Variants in CNTROB observed in about 807,000 individuals in gnomAD.
CNTROB encodes the protein centrobin.
CNTROB carries 82 observed loss-of-function variants against 115.7 expected under a neutral mutation model. The observed-to-expected ratio is 0.71, with a 90% CI of 0.59 to 0.85. The LOEUF is 0.85. Among genes scored for constraint, CNTROB ranks in the 40% least tolerant of loss-of-function variants. The pLI is 0.00. For missense variants in CNTROB, 1,014 were observed against 1,144.4 expected, an observed-to-expected ratio of 0.89 and a Z score of 1.64; for synonymous variants, 439 against 456.4, an observed-to-expected ratio of 0.96 and a Z score of 0.49.
At chr17:7,938,148 G>A (rs1455737469) in intron 7 of CNTROB, among the ~76,000 whole-genome samples, 3 of 151,860 alleles carry the variant, frequency 2.0e-5, no homozygotes, top group African/African-American at 4.8e-5. Context: ...GACTACAGGC[G>A]TATACCACCA....
rs770652629 is a variant in CNTROB, at chr17:7,947,744, C to G, written c.2145+22C>G. On this transcript the variant is annotated intron_variant, in intron 14 of 18. Transcript: ENST00000563694. ...CCAGGTAAGAGAGATTCCACCCAGACTAGCTCACTTTCTTCTTCCCTTTCT... is the reference window on the plus strand; with the variant it reads ...CCAGGTAAGAGAGATTCCACCCAGAGTAGCTCACTTTCTTCTTCCCTTTCT... 5.0e-6 allele frequency: 8 copies of G among 1,603,420 alleles called. 1 individual carries two copies. The South Asian group carries it at 8.9e-5, about 18-fold the overall frequency.
Position 7,932,867 on chromosome 17 carries a change from A to G in CNTROB, c.-213A>G. The G allele has an allele frequency of 1.7e-6, 1 of 582,326 alleles. No homozygotes were observed. Among genetic ancestry groups the G allele is most frequent in the South Asian group, 2.2e-5 (1 of 46,134 alleles). The allele number at this position is 582,326 out of a possible 1,614,324, so 36.1% of individuals were successfully genotyped here. ...AACGCTGTTCCCAGGAGCTGGGGAA[A>G]GGGATGCTTTTGCCCACTCCCATGG... On this transcript the variant is annotated 5_prime_UTR_variant, in exon 1 of 19. Coordinates refer to ENST00000563694, the MANE Select transcript of CNTROB (RefSeq NM_053051.5).
At position 7,932,921 on chromosome 17, in the gene CNTROB, T is replaced by TA. The variant is rs1972678035; in HGVS notation, c.-157dup. 1.4e-5 allele frequency: 11 copies of TA among 785,074 alleles called. No individual in the cohort carries two copies. The South Asian group carries it at 2.0e-4, about 14-fold the overall frequency. The allele number at this position is 785,074 out of a possible 1,614,324, so 48.6% of individuals were successfully genotyped here. A position where few individuals can be genotyped will look rare whatever the true frequency, so the allele number is the denominator to read the frequency against. On this transcript the variant is annotated 5_prime_UTR_variant, in exon 1 of 19. The change creates a premature stop within an existing upstream ORF in the 5' untranslated region. Transcript: ENST00000563694. ...CTGGAACTGGTGGAAACCTTTCCTC[T>TA]AACCAGAAAGCCTCGATATCCTTAA... is the stretch of plus-strand genomic sequence containing the variant.
Position 7,943,336 on chromosome 17 carries a change from T to TTTGGG in CNTROB, c.1312-55_1312-54insTTGGG. On this transcript the variant is annotated intron_variant, in intron 9 of 18. Transcript: ENST00000563694. This position sits in a 1 kb window ranked among gnomAD's most constrained non-coding sequence, Gnocchi z 4.7. Reference sequence around the variant, plus strand: ...GATTTTGTCTACATTATATCCTCCATCCTCTTCTAAGCCCAAACAGATTTG... The same window carrying TTTGGG: ...GATTTTGTCTACATTATATCCTCCATTTGGGCCTCTTCTAAGCCCAAACAGATTTG... 3.6e-6 allele frequency: 5 copies of TTTGGG among 1,402,640 alleles called. No individual in the cohort carries two copies. The highest frequency in any genetic ancestry group is 4.0e-6 in the Non-Finnish European group (4 of 1,001,626). The allele number at this position is 1,402,640 out of a possible 1,614,324, so 86.9% of individuals were successfully genotyped here.
intron 2 of CNTROB, 85 bp from the exon 3 acceptor site, chr17:7,934,380 G>A (rs1972895209): frequency 1.0e-5 from 14 of 1,384,844 alleles, no homozygotes; most frequent in Non-Finnish European, 1.4e-5. Flanking sequence ...TGAGGGAACT[G>A]GAAAGGAAGG....
chr17:7,942,932 G>A (rs1356401941), intron 9 of CNTROB, among the ~76,000 whole-genome samples: 1 of 149,114 alleles, frequency 6.7e-6, no homozygotes, highest in Non-Finnish European at 1.5e-5. Flanking sequence ...CTCCCAAGTA[G>A]CTGGGACTAC....
chr17:7,932,138 TGTGA>T (rs761557976), upstream of CNTROB: 35 of 409,224 alleles, frequency 8.6e-5, no homozygotes, highest in East Asian at 1.1e-3. Context: ...ACAGAAGTGA[TGTGA>T]GTGTCTGCGA....
chr17:7,949,251 A>G, intron 18 of CNTROB, 94 bp downstream of exon 18: 1 of 1,565,978 alleles, frequency 6.4e-7, no homozygotes, highest in Non-Finnish European at 8.8e-7. Context: ...CCTCCATTCC[A>G]CCCCTGCATT....
At position 7,949,905 on chromosome 17, in the gene CNTROB, C is replaced by A. The variant is rs4792000; in HGVS notation, c.*395C>A. 0.52 allele frequency: 82,149 copies of A among 157,628 alleles called. 21,869 individuals are homozygous for A. Among genetic ancestry groups the A allele is most frequent in the East Asian group, 0.76 (4,131 of 5,444 alleles). 9.8% of individuals were successfully genotyped at this position (157,628 alleles called of 1,614,324 possible). A position where few individuals can be genotyped will look rare whatever the true frequency, so the allele number is the denominator to read the frequency against. On this transcript the variant is annotated 3_prime_UTR_variant, in exon 19 of 19. Coordinates refer to ENST00000563694, the MANE Select transcript of CNTROB (RefSeq NM_053051.5). ...GTATATGTTACTTTAATAATCAGAA[C>A]AGACCCAAACTTTAATAAGAGTAAG...
chr17:7,948,955 G>A lies in CNTROB; in HGVS notation c.2514-130G>A. 6.4e-7 allele frequency: 1 copy of A among 1,568,802 alleles called. No individual in the cohort carries two copies. The highest frequency in any genetic ancestry group is 8.7e-7 in the Non-Finnish European group (1 of 1,155,974). Reference sequence around the variant, plus strand: ...TTACTTCCACTAATGTCTCCTCCCAGTTGATGCCCAGGTCTATCGAGTTTG... The same window carrying A: ...TTACTTCCACTAATGTCTCCTCCCAATTGATGCCCAGGTCTATCGAGTTTG... On this transcript the variant is annotated intron_variant, in intron 17 of 18. Transcript: ENST00000563694. This position sits in a 1 kb window ranked among gnomAD's most constrained non-coding sequence, Gnocchi z 4.4.
At chr17:7,938,866 C>T (rs1302752864) in intron 7 of CNTROB, among the ~76,000 whole-genome samples, 1 of 152,186 alleles carries the variant, frequency 6.6e-6, no homozygotes, top group African/African-American at 2.4e-5. Flanking sequence ...GCAACCTCCG[C>T]CTCCCAGGTT....
chr17:7,948,740 A>G lies in CNTROB; in HGVS notation c.2513+121A>G. The stretch of plus-strand genomic sequence containing the variant: ...CCTTTTCTGGGGAGGAAAGTGAAGG[A>G]TGAGAGGTGGATCCACAGATCTTCT... On this transcript the variant is annotated intron_variant, in intron 17 of 18. Transcript: ENST00000563694. The surrounding 1 kb of genome is among the most constrained non-coding windows in gnomAD (Gnocchi z 4.4). 1 of 1,604,874 alleles carries G rather than the reference A, an allele frequency of 6.2e-7. No homozygotes were observed. Among genetic ancestry groups the G allele is most frequent in the Non-Finnish European group, 8.5e-7 (1 of 1,173,220 alleles).
chr17:7,940,089 T>C lies in CNTROB; in HGVS notation c.1165-7T>C, dbSNP rs186701125. Reference sequence around the variant, plus strand: ...GTATGTATATACATTTGATTTGTCTTTCATAGGAGAAGAGCCAGAGGGAAG... The same window carrying C: ...GTATGTATATACATTTGATTTGTCTCTCATAGGAGAAGAGCCAGAGGGAAG... On this transcript the variant is annotated splice_region_variant and splice_polypyrimidine_tract_variant and intron_variant, in intron 8 of 18. Transcript: ENST00000563694. The C allele has an allele frequency of 4.9e-4, 780 of 1,587,204 alleles. 1 individual carries two copies. Among genetic ancestry groups the C allele is most frequent in the Non-Finnish European group, 6.0e-4 (700 of 1,168,546 alleles).
Position 7,948,489 on chromosome 17 carries a change from G to A in CNTROB, c.2383G>A (p.Gly795Arg), listed in dbSNP as rs533184901. Residue 795 changes from glycine to arginine, a missense_variant and splice_region_variant, in exon 17 of 19, where the codon GGA (glycine) becomes AGA (arginine). Coordinates refer to ENST00000563694, the MANE Select transcript of CNTROB (RefSeq NM_053051.5). The surrounding 1 kb of genome is among the most constrained non-coding windows in gnomAD (Gnocchi z 4.4). ...GTGATTATTGCGATGTCTGTCAGGT[G>A]GAGATGGGCTTACATTCCCAAGGCA... ...GPSSGSPERGGDGLTFPRQLM... is the reference protein window; with the variant it reads ...GPSSGSPERGRDGLTFPRQLM... 1.2e-6 allele frequency: 2 copies of A among 1,614,096 alleles called. No homozygotes were observed. The highest frequency in any genetic ancestry group is 4.5e-5 in the East Asian group (2 of 44,874).
chr17:7,937,033 G>T, intron 6 of CNTROB, 131 bp from the exon 7 acceptor site: 1 of 1,169,298 alleles, frequency 8.6e-7, no homozygotes, highest in East Asian at 2.3e-5. Flanking sequence ...ACACCATGTA[G>T]TCTTCTATCT....
chr17:7,942,817 T>C, intron 9 of CNTROB, among the ~76,000 whole-genome samples: 1 of 129,250 alleles, frequency 7.7e-6, no homozygotes, highest in African/African-American at 3.0e-5. Context: ...TTTTTTTTTT[T>C]TTGAGACGGA....
At chr17:7,932,125 G>A (rs925998700), upstream of CNTROB, 3 of 482,418 alleles carry the variant, frequency 6.2e-6, no homozygotes. Context: ...AGGCGCTCGG[G>A]ATACAGAAGT....
intron 6 of CNTROB, 123 bp from the exon 7 acceptor site, chr17:7,937,040 AT>A (rs1973264813): frequency 1.6e-6 from 2 of 1,242,138 alleles, no homozygotes; most frequent in African/African-American, 1.5e-5. Context: ...GTAGTCTTCT[AT>A]CTGGCCCCTT....
intron 9 of CNTROB, among the ~76,000 whole-genome samples, chr17:7,941,714 C>T (rs1418364645): frequency 6.6e-6 from 1 of 151,656 alleles, no homozygotes; most frequent in Non-Finnish European, 1.5e-5. Context: ...AATCCCAGCA[C>T]TTTGGGAGGC....
Sources: gnomAD v4.1 joint callset for allele counts (sites outside exome capture counted in the v4.1 genomes callset) on GRCh38, gnomAD v4.1.1 for gene constraint, Gnocchi (gnomAD v3.1) non-coding constraint, MANE v1.5 for transcripts, NCBI Gene and HGNC (gene_info 2026-07-23, HGNC 2026-07-21) for gene names.